SCYL3: variants seen among roughly 807,000 people sequenced by gnomAD.
SCYL3 encodes protein-associating with the carboxyl-terminal domain of ezrin.
In SCYL3, 35 loss-of-function variants were observed where a neutral mutation model predicts 73.8. That is an observed-to-expected ratio of 0.47 (90% CI 0.36 to 0.63). The LOEUF is 0.63. Ranked by LOEUF, SCYL3 falls within the 20% of genes least tolerant of loss-of-function variation. The probability of loss-of-function intolerance (pLI) is 0.00; values close to 1 mark genes in which losing one functional copy is unlikely to be tolerated. For synonymous variants in SCYL3, 277 were observed against 295.2 expected, an observed-to-expected ratio of 0.94 and a Z score of 0.63; for missense variants, 712 against 798.9, an observed-to-expected ratio of 0.89 and a Z score of 1.31.
At chr1:169,882,075 G>A (rs910148193) in intron 2 of SCYL3, among the ~76,000 whole-genome samples, 4 of 152,218 alleles carry the variant, frequency 2.6e-5, no homozygotes, top group Admixed American at 6.5e-5. Flanking sequence ...GGCCAAGGCC[G>A]GAGCCGGTTC....
chr1:169,859,734 G>T (rs1659477925), intron 10 of SCYL3: 1 of 152,398 alleles, frequency 6.6e-6, no homozygotes, highest in Non-Finnish European at 1.5e-5. Flanking sequence ...GTTTATATAG[G>T]TTTACTCAAT....
rs377055724 is a variant in SCYL3, at chr1:169,876,879, C to T, written c.352-788G>A. Reference sequence around the variant, plus strand: ...CTGAGACAGGAGAATGGCGTGAACCCGGGAGGTGGAGCTTGCAGTGAGCCG... The same window carrying T: ...CTGAGACAGGAGAATGGCGTGAACCTGGGAGGTGGAGCTTGCAGTGAGCCG... On this transcript the variant is annotated intron_variant, in intron 3 of 12. Transcript: ENST00000367771. Among the ~76,000 whole-genome samples, 47 of 146,612 alleles carry T rather than the reference C, an allele frequency of 3.2e-4. No individual in the cohort carries two copies. The East Asian group carries it at 7.4e-3, about 23-fold the overall frequency.
At chr1:169,864,587 TC>T (rs889674465) in intron 8 of SCYL3, 79 bp from the exon 9 acceptor site, 32 of 1,331,940 alleles carry the variant, frequency 2.4e-5, no homozygotes, top group Non-Finnish European at 4.1e-6. Flanking sequence ...CCTACACACA[TC>T]CTCTCTCTCA....
At chr1:169,878,493 T>A (rs760422154) in intron 3 of SCYL3, 141 bp downstream of exon 3, 56 of 712,500 alleles carry the variant, frequency 7.9e-5, no homozygotes, top group Non-Finnish European at 1.1e-4. Flanking sequence ...AACATGCTAT[T>A]TTTCCTCAGG....
intron 1 of SCYL3, among the ~76,000 whole-genome samples, chr1:169,890,606 C>T (rs182439251): frequency 7.2e-5 from 11 of 152,276 alleles, no homozygotes; most frequent in Admixed American, 4.6e-4. Context: ...AAGTGCCTAC[C>T]GATCCACAAC....
chr1:169,854,960 A>G lies in SCYL3; in HGVS notation c.1317T>C (p.Asp439=), dbSNP rs776891495. 51 of 1,598,364 alleles carry G rather than the reference A, an allele frequency of 3.2e-5. No homozygotes were observed. Among genetic ancestry groups the G allele is most frequent in the Non-Finnish European group, 4.2e-5 (49 of 1,171,142 alleles). ...GAAATTTAATAGGCTGAGAAAATGG[A>G]TCGCCTGTAGGGAAAATAATTATTC... ...TKNTDLSLEG[D]PFSQPIKFPI... The change falls in exon 12 of 13, where the codon GAT becomes GAC. Residue 439 remains aspartate (D), a synonymous_variant. Transcript: ENST00000367771.
At chr1:169,854,048 A>AAAT (rs1658836548) in intron 12 of SCYL3, 1 of 563,728 alleles carries the variant, frequency 1.8e-6, no homozygotes, top group Admixed American at 3.5e-5. Flanking sequence ...TTTCTTTTTC[A>AAAT]AATAAAAAGG....
At chr1:169,872,685 A>T (rs1456574485) in intron 5 of SCYL3, among the ~76,000 whole-genome samples, 1 of 152,212 alleles carries the variant, frequency 6.6e-6, no homozygotes, top group Non-Finnish European at 1.5e-5. Context: ...ACAGGGGTAG[A>T]AGCTGCCCAA....
At chr1:169,889,678 T>A (rs1571465786) in intron 1 of SCYL3, among the ~76,000 whole-genome samples, 1 of 152,042 alleles carries the variant, frequency 6.6e-6, no homozygotes, top group East Asian at 1.9e-4. Context: ...AGGGGCACAG[T>A]TAGAGGGATC....
chr1:169,868,975 T>C lies in SCYL3; in HGVS notation c.690A>G (p.Pro230=), dbSNP rs1660219590. 6.2e-7 allele frequency: 1 copy of C among 1,614,200 alleles called. No individual in the cohort carries two copies. Among genetic ancestry groups the C allele is most frequent in the Non-Finnish European group, 8.5e-7 (1 of 1,180,028 alleles). The change falls in exon 7 of 13, where the codon CCA becomes CCG. Residue 230 remains proline (P), a synonymous_variant. Transcript: ENST00000367771. ...TLHSTLLNPI[P]KCRPALCTLL... ...AGGTGCAGAGCGCTGGCCGACATTTTGGAATGGGATTCAGCAAAGTTGAGT... is the reference window on the plus strand; with the variant it reads ...AGGTGCAGAGCGCTGGCCGACATTTCGGAATGGGATTCAGCAAAGTTGAGT...
rs113680919 is a variant in SCYL3, at chr1:169,850,974, G to A, written c.*2739C>T. 0.031 allele frequency: 2,986 copies of A among 95,968 alleles called. 109 individuals carry two copies. Among genetic ancestry groups the A allele is most frequent in the South Asian group, 0.082 (189 of 2,292 alleles). 5.9% of individuals were successfully genotyped at this position (95,968 alleles called of 1,614,324 possible). On this transcript the variant is annotated 3_prime_UTR_variant, in exon 13 of 13. Coordinates refer to ENST00000367771, the MANE Select transcript of SCYL3 (RefSeq NM_020423.7). ...CTACCATATTTTGGGTATAATTTAG[G>A]CATGGCTTTTTTTTTTTTTTTTTTT... is the stretch of plus-strand genomic sequence containing the variant.
chr1:169,859,711 A>G (rs769470957), intron 10 of SCYL3: 2 of 152,356 alleles, frequency 1.3e-5, no homozygotes, highest in African/African-American at 2.4e-5. Context: ...ATAAACTAGA[A>G]TTTATATTTT....
At chr1:169,862,275 T>TC (rs1214045866) in intron 10 of SCYL3, among the ~76,000 whole-genome samples, 1 of 152,246 alleles carries the variant, frequency 6.6e-6, no homozygotes, top group Non-Finnish European at 1.5e-5. Context: ...ATAAGAATCA[T>TC]CTCATGCTCC....
Position 169,852,922 on chromosome 1 carries a change from A to G in SCYL3, c.*791T>C, listed in dbSNP as rs558935927. Reference sequence around the variant, plus strand: ...GGGTCCTGCTCCAGCCTGGCTTTCAATGGAAATGGAGGCGCTCCAAGAAAG... The same window carrying G: ...GGGTCCTGCTCCAGCCTGGCTTTCAGTGGAAATGGAGGCGCTCCAAGAAAG... On this transcript the variant is annotated 3_prime_UTR_variant, in exon 13 of 13. Coordinates refer to ENST00000367771, the MANE Select transcript of SCYL3 (RefSeq NM_020423.7). The G allele has an allele frequency of 2.0e-5, 33 of 1,614,176 alleles. No individual in the cohort carries two copies. Among genetic ancestry groups the G allele is most frequent in the South Asian group, 1.2e-4 (11 of 91,090 alleles).
chr1:169,892,573 T>C (rs777138924), intron 1 of SCYL3, among the ~76,000 whole-genome samples: 1 of 152,210 alleles, frequency 6.6e-6, no homozygotes, highest in African/African-American at 2.4e-5. Context: ...CACAAGAAGG[T>C]AGAAAAGGAT....
chr1:169,852,515 C>T lies in SCYL3; in HGVS notation c.*1198G>A, dbSNP rs955406914. The stretch of plus-strand genomic sequence containing the variant: ...ATAAGACATGTAAGCTTGGACTATG[C>T]AGCACTTCTCATTGGGAGCCCTTTG... On this transcript the variant is annotated 3_prime_UTR_variant, in exon 13 of 13. Coordinates refer to ENST00000367771, the MANE Select transcript of SCYL3 (RefSeq NM_020423.7). 2.0e-5 allele frequency: 9 copies of T among 454,226 alleles called. No homozygotes were observed. The highest frequency in any genetic ancestry group is 1.6e-4 in the African/African-American group (8 of 50,846). The allele number at this position is 454,226 out of a possible 1,614,324, so 28.1% of individuals were successfully genotyped here.
At chr1:169,861,043 A>G (rs1270646890) in intron 10 of SCYL3, among the ~76,000 whole-genome samples, 1 of 152,236 alleles carries the variant, frequency 6.6e-6, no homozygotes, top group Admixed American at 6.5e-5. Flanking sequence ...ACTCCATTTC[A>G]GAGTTAAAGT....
chr1:169,868,974 T>C lies in SCYL3; in HGVS notation c.691A>G (p.Lys231Glu). 1 of 1,614,152 alleles carries C rather than the reference T, an allele frequency of 6.2e-7. No homozygotes were observed. Among genetic ancestry groups the C allele is most frequent in the Non-Finnish European group, 8.5e-7 (1 of 1,180,016 alleles). The change falls in exon 7 of 13, where the codon AAA (lysine) becomes GAA (glutamate). Residue 231 changes from lysine (K) to glutamate (E), a missense_variant. Lys to Glu is a moderately conservative substitution (Grantham distance 56). Transcript: ENST00000367771. ...AAGGTGCAGAGCGCTGGCCGACATT[T>C]TGGAATGGGATTCAGCAAAGTTGAG... ...LHSTLLNPIP[K>E]CRPALCTLLS... is the part of the protein sequence containing the mutation.
At chr1:169,889,599 AAC>A (rs1269816267) in intron 1 of SCYL3, among the ~76,000 whole-genome samples, 9 of 152,206 alleles carry the variant, frequency 5.9e-5, no homozygotes, top group Non-Finnish European at 1.2e-4. Context: ...GCTAAAAAAA[AAC>A]AAAAGCCCAC....
Sources: gnomAD v4.1 joint callset for allele counts (sites outside exome capture counted in the v4.1 genomes callset) on GRCh38, gnomAD v4.1.1 for gene constraint, MANE v1.5 for transcripts, NCBI Gene and HGNC (gene_info 2026-07-23, HGNC 2026-07-21) for gene names.